Variants in MTCL1 observed in about 807,000 individuals in gnomAD.
MTCL1 encodes the protein microtubule crosslinking factor 1, also known as microtubule cross-linking factor 1.
MTCL1 carries 79 observed loss-of-function variants against 141.4 expected under a neutral mutation model. The ratio of observed to expected loss-of-function variants is 0.56; its 90% CI spans 0.47 to 0.67. MTCL1 has a LOEUF of 0.67. Ranked by LOEUF, MTCL1 falls within the 30% of genes least tolerant of loss-of-function variation. The pLI is 0.00. For synonymous variants in MTCL1, 914 were observed against 875.8 expected (o/e 1.04, Z -0.77); for missense variants, 2,177 against 2,113.9 (o/e 1.03, Z -0.59).
rs1335458580 is a variant in MTCL1, at chr18:8,822,288, TTGG to T, written c.3188+792_3188+794del. ...GAGCCAAACTGCCTGGGTTGGTTGG[TTGG>T]TTGGTTGGTTGGTTGATTTTTGAAA... On this transcript the variant is annotated intron_variant, in intron 14 of 16. Transcript: ENST00000359865. The surrounding 1 kb of genome is among the most constrained non-coding windows in gnomAD (Gnocchi z 4.6). 6.6e-6 allele frequency among the ~76,000 whole-genome samples: 1 copy of T among 150,840 alleles called. No individual in the cohort carries two copies. Among genetic ancestry groups the T allele is most frequent in the Admixed American group, 6.6e-5 (1 of 15,128 alleles).
Position 8,810,598 on chromosome 18 carries a change from G to A in MTCL1, c.2605-2381G>A, listed in dbSNP as rs1168594758. 6.6e-6 allele frequency among the ~76,000 whole-genome samples: 1 copy of A among 152,146 alleles called. No homozygotes were observed. Among genetic ancestry groups the A allele is most frequent in the African/African-American group, 2.4e-5 (1 of 41,434 alleles). On this transcript the variant is annotated intron_variant, in intron 11 of 16. Transcript: ENST00000359865. The surrounding 1 kb of genome is among the most constrained non-coding windows in gnomAD (Gnocchi z 5.0). The stretch of plus-strand genomic sequence containing the variant: ...TGGAAGCATCTACAGGTGAACAGAC[G>A]TACGTGCGAGGGGCTCAGCAGCCTG...
intron 16 of MTCL1, 108 bp from the exon 15 acceptor site, chr18:8,831,499 G>A: frequency 2.0e-6 from 3 of 1,481,398 alleles, no homozygotes; most frequent in Non-Finnish European, 2.7e-6. Flanking sequence ...GTTGCCTGTG[G>A]TGTATACTTC....
chr18:8,730,902 A>C (rs980631200), intron 4 of MTCL1, among the ~76,000 whole-genome samples: 3 of 152,186 alleles, frequency 2.0e-5, no homozygotes, highest in African/African-American at 7.2e-5. Context: ...ACACGTTAGA[A>C]TGGAACCTCT....
chr18:8,721,480 G>T (rs2096172042), intron 4 of MTCL1, among the ~76,000 whole-genome samples: 1 of 152,162 alleles, frequency 6.6e-6, no homozygotes, highest in Admixed American at 6.5e-5. Context: ...TAGCAGGCGT[G>T]CCCCTCTCTG....
chr18:8,813,121 A>G lies in MTCL1; in HGVS notation c.2747A>G (p.His916Arg), dbSNP rs367678396. The change falls in exon 12 of 17, where the codon CAT (histidine) becomes CGT (arginine). Residue 916 changes from histidine to arginine, a missense_variant. Physicochemically the swap from His to Arg is conservative, Grantham distance 29 (BLOSUM62 0). Coordinates refer to ENST00000359865, the Ensembl canonical transcript of MTCL1. The stretch of plus-strand genomic sequence containing the variant: ...GTCATGGACCTGCGCTGGCAGATCC[A>G]TCACAGCGAGAAGAACTGGAACCGG... 3 of 1,614,126 alleles carry G rather than the reference A, an allele frequency of 1.9e-6. No individual in the cohort carries two copies. The African/African-American group carries it at 4.0e-5, about 22-fold the overall frequency.
At chr18:8,793,368 CCTAAT>C (rs72118538) in intron 8 of MTCL1, among the ~76,000 whole-genome samples, 35,398 of 151,880 alleles carry the variant, frequency 0.23, 4,754 homozygotes, top group African/African-American at 0.35. Context: ...CTTCCTCATA[CCTAAT>C]CTAAACTTTC....
intron 5 of MTCL1, chr18:8,782,728 G>T (rs1253378559): frequency 6.6e-6 from 1 of 152,238 alleles, no homozygotes; most frequent in Non-Finnish European, 1.5e-5. Context: ...GTAAGTAAAG[G>T]CTCTGAAGTT....
At position 8,753,471 on chromosome 18, in the gene MTCL1, G is replaced by A. The variant is rs554355549; in HGVS notation, c.358-24362G>A. ...CTCATTACTCAGGGCACAGCAGGCA[G>A]CATCAGCACAGTCAGTTTTCCTTGT... On this transcript the variant is annotated intron_variant, in intron 4 of 16. Coordinates refer to ENST00000359865, the Ensembl canonical transcript of MTCL1. Among the ~76,000 whole-genome samples the A allele has an allele frequency of 1.3e-4, 20 of 152,332 alleles. No homozygotes were observed. In the South Asian group the frequency reaches 3.1e-3, roughly 24 times the overall value.
exon 15 of MTCL1, chr18:8,826,196 C>G: frequency 6.2e-7 from 1 of 1,609,784 alleles, no homozygotes; most frequent in East Asian, 2.2e-5. Context: ...GTGACAGCCA[C>G]TCGCTGGGGG....
At chr18:8,786,017 C>T (rs373316781) in exon 7 of MTCL1, 6 of 1,583,982 alleles carry the variant, frequency 3.8e-6, no homozygotes, top group Non-Finnish European at 4.3e-6. Context: ...CCGAGCCGCG[C>T]GGGAGCTGCA....
exon 17 of MTCL1, chr18:8,831,848 AACCACACC>A: frequency 6.5e-7 from 1 of 1,543,496 alleles, no homozygotes; most frequent in Non-Finnish European, 8.8e-7. Flanking sequence ...TAATTTGCAT[AACCACACC>A]ATCACCATGA....
chr18:8,812,383 C>CT (rs1242441239), intron 11 of MTCL1, among the ~76,000 whole-genome samples: 1 of 151,874 alleles, frequency 6.6e-6, no homozygotes, highest in African/African-American at 2.4e-5. Context: ...AGGTTGAGAT[C>CT]TTTTTTCTTG....
At chr18:8,731,002 TG>T (rs1281670384) in intron 4 of MTCL1, among the ~76,000 whole-genome samples, 3 of 152,108 alleles carry the variant, frequency 2.0e-5, no homozygotes, top group South Asian at 2.1e-4. Flanking sequence ...CCCAGCACTT[TG>T]GGGAGGCCGA....
rs2096295322 is a variant in MTCL1, at chr18:8,740,230, AGTT to A, written c.357+19738_357+19740del. Among the ~76,000 whole-genome samples, 3 of 152,314 alleles carry A rather than the reference AGTT, an allele frequency of 2.0e-5. No individual in the cohort carries two copies. In the South Asian group the frequency reaches 6.2e-4, roughly 32 times the overall value. ...TGCTCTTTTTACTCACTTATCTGTA[AGTT>A]GTTTTTAAAGCAGGTTGTTTTCCCT... On this transcript the variant is annotated intron_variant, in intron 4 of 16. Transcript: ENST00000359865.
exon 15 of MTCL1, chr18:8,824,863 A>T (rs112747828): frequency 1.2e-6 from 2 of 1,614,062 alleles, no homozygotes. Flanking sequence ...AGCTGGGACT[A>T]CACACCCAAC....
At chr18:8,776,218 C>A (rs1396596956) in intron 4 of MTCL1, among the ~76,000 whole-genome samples, 1 of 152,306 alleles carries the variant, frequency 6.6e-6, no homozygotes, top group African/African-American at 2.4e-5. Flanking sequence ...TTTCCTTTCG[C>A]AGGCTTGCCT....
At chr18:8,782,333 T>G (rs773178930) in intron 5 of MTCL1, 10 of 152,238 alleles carry the variant, frequency 6.6e-5, no homozygotes, top group Admixed American at 1.3e-4. Context: ...AAACCTTTGC[T>G]GAAGCCTTTT....
In MTCL1 at chr18:8,720,335, C is replaced by T. The variant is rs573441970; in HGVS notation, c.199-3C>T. 3.8e-4 allele frequency: 611 copies of T among 1,613,908 alleles called. 5 individuals are homozygous for T. In the South Asian group the frequency reaches 6.2e-3, roughly 16 times the overall value. On this transcript the variant is annotated splice_region_variant and splice_polypyrimidine_tract_variant and intron_variant, in intron 3 of 16. Coordinates refer to ENST00000359865, the Ensembl canonical transcript of MTCL1. ...TGATAATGATCTCTGTGGGTCGATG[C>T]AGGTAGCCAAAGATGTATCTGTCAG...
At chr18:8,805,357 T>C (rs2076264162) in intron 10 of MTCL1, among the ~76,000 whole-genome samples, 3 of 152,144 alleles carry the variant, frequency 2.0e-5, no homozygotes, top group African/African-American at 7.2e-5. Flanking sequence ...GAACATGCGG[T>C]ATTTGGTTTT....
Sources: allele counts gnomAD v4.1 joint callset (sites outside exome capture counted in the v4.1 genomes callset), GRCh38; gene constraint gnomAD v4.1.1; non-coding constraint Gnocchi (gnomAD v3.1); transcripts MANE v1.5; gene names NCBI Gene and HGNC (gene_info 2026-07-23, HGNC 2026-07-21).